Variants in DAPK2 observed in about 807,000 individuals in gnomAD.
The protein encoded by DAPK2 is death-associated protein kinase 2.
DAPK2 carries 35 observed loss-of-function variants against 44.1 expected under a neutral mutation model. The ratio of observed to expected loss-of-function variants is 0.79; its 90% CI spans 0.61 to 1.05. The LOEUF is 1.05. Ranked by LOEUF, DAPK2 falls within the 50% of genes least tolerant of loss-of-function variation. DAPK2 has a pLI of 0.00. For missense variants in DAPK2, 453 were observed against 483.2 expected (o/e 0.94, Z 0.59); for synonymous variants, 174 against 182.6 (o/e 0.95, Z 0.38).
At chr15:63,907,941 T>A (rs1183113657) in exon 11 of DAPK2, 1 of 152,180 alleles carries the variant, frequency 6.6e-6, no homozygotes, top group Non-Finnish European at 1.5e-5. Context: ...ACCAGAAGTT[T>A]AATAAAAATG....
rs965859629 is a variant in DAPK2, at chr15:63,939,663, T to G, written c.454-302A>C. ...GTCTCTGAGTGGCAGATCCCTTTAA[T>G]GCAGTGCCTCTGTTTTCCTATCTGT... is the stretch of plus-strand genomic sequence containing the variant. On this transcript the variant is annotated intron_variant, in intron 3 of 10. Transcript: ENST00000261891. The surrounding 1 kb of genome is among the most constrained non-coding windows in gnomAD (Gnocchi z 4.3). 6.6e-5 allele frequency among the ~76,000 whole-genome samples: 10 copies of G among 152,222 alleles called. No individual in the cohort carries two copies. The highest frequency in any genetic ancestry group is 1.5e-4 in the Non-Finnish European group (10 of 68,032).
chr15:63,990,964 T>G lies in DAPK2; in HGVS notation c.93-7210A>C, dbSNP rs1391553401. ...TCCCTACTCCTCTGCCTGGCCAGGC[T>G]CCACTGTGGAGCCTCTGTGGCTGAC... On this transcript the variant is annotated intron_variant, in intron 1 of 10. Transcript: ENST00000261891. The surrounding 1 kb of genome is among the most constrained non-coding windows in gnomAD (Gnocchi z 4.3). Among the ~76,000 whole-genome samples, 2 of 152,012 alleles carry G rather than the reference T, an allele frequency of 1.3e-5. No individual in the cohort carries two copies. The highest frequency in any genetic ancestry group is 2.9e-5 in the Non-Finnish European group (2 of 67,992).
chr15:63,923,231 T>C lies in DAPK2; in HGVS notation c.858+1585A>G, dbSNP rs1264298951. ...AAAACGCTCGAAGTTGACATAGGAG[T>C]TGTTGGGAGGCATGCTTGAGTGGCA... On this transcript the variant is annotated intron_variant, in intron 8 of 10. Coordinates refer to ENST00000261891, the Ensembl canonical transcript of DAPK2. The surrounding 1 kb of genome is among the most constrained non-coding windows in gnomAD (Gnocchi z 4.2). The C allele has an allele frequency of 2.0e-6, 3 of 1,535,208 alleles. No individual in the cohort carries two copies. The highest frequency in any genetic ancestry group is 1.2e-5 in the South Asian group (1 of 84,022).
chr15:63,955,761 C>T (rs1399450051), intron 3 of DAPK2, among the ~76,000 whole-genome samples: 3 of 152,030 alleles, frequency 2.0e-5, no homozygotes, highest in Admixed American at 2.0e-4. Context: ...AGAGACAGGG[C>T]TTCTCCATGT....
At chr15:64,027,017 G>A (rs2141117556) in intron 1 of DAPK2, among the ~76,000 whole-genome samples, 1 of 152,300 alleles carries the variant, frequency 6.6e-6, no homozygotes, top group Admixed American at 6.5e-5. Flanking sequence ...ACCAAGGCAG[G>A]CAGATCACTT....
At chr15:63,968,924 G>C (rs918581410) in intron 3 of DAPK2, among the ~76,000 whole-genome samples, 2 of 152,194 alleles carry the variant, frequency 1.3e-5, no homozygotes, top group African/African-American at 4.8e-5. Context: ...CCTGGAGCCA[G>C]CAAAGACACA....
At chr15:64,025,776 TATA>T (rs1454977731) in intron 1 of DAPK2, among the ~76,000 whole-genome samples, 1 of 152,222 alleles carries the variant, frequency 6.6e-6, no homozygotes, top group Non-Finnish European at 1.5e-5. Context: ...AAATTCAAAA[TATA>T]ATAATAATTG....
intron 1 of DAPK2, among the ~76,000 whole-genome samples, chr15:64,005,304 C>A (rs1208814221): frequency 2.0e-5 from 3 of 151,594 alleles, no homozygotes; most frequent in African/African-American, 7.3e-5. Flanking sequence ...ATTTCAAACC[C>A]TTTGATTCAC....
chr15:63,997,668 G>A (rs2078985723), intron 1 of DAPK2, among the ~76,000 whole-genome samples: 1 of 152,058 alleles, frequency 6.6e-6, no homozygotes, highest in South Asian at 2.1e-4. Flanking sequence ...CCTCTAAAAT[G>A]GTCTCTTTCC....
At chr15:63,999,369 C>T (rs900772779) in intron 1 of DAPK2, among the ~76,000 whole-genome samples, 2 of 152,164 alleles carry the variant, frequency 1.3e-5, no homozygotes, top group African/African-American at 2.4e-5. Context: ...AGCTGCTTCT[C>T]GTGGAACTGC....
chr15:63,971,287 C>T, intron 3 of DAPK2, 136 bp downstream of exon 4: 1 of 1,113,102 alleles, frequency 9.0e-7, no homozygotes, highest in South Asian at 1.6e-5. Context: ...TCATCTTTCC[C>T]ATGAGCTCAG....
At chr15:64,036,127 A>G (rs369806518) in intron 1 of DAPK2, among the ~76,000 whole-genome samples, 1 of 151,134 alleles carries the variant, frequency 6.6e-6, no homozygotes, top group East Asian at 2.0e-4. Context: ...CAGACATGGT[A>G]GCACGCACCT....
At chr15:63,957,453 C>T (rs1033229648) in intron 3 of DAPK2, among the ~76,000 whole-genome samples, 10 of 151,844 alleles carry the variant, frequency 6.6e-5, no homozygotes, top group Non-Finnish European at 1.3e-4. Context: ...GTATGCTGCA[C>T]CCGTTAACTC....
At chr15:64,002,158 G>A (rs572176182) in intron 1 of DAPK2, among the ~76,000 whole-genome samples, 3 of 152,194 alleles carry the variant, frequency 2.0e-5, no homozygotes, top group African/African-American at 7.2e-5. Context: ...GCCCTGGGGA[G>A]AGTGGCACAG....
At chr15:64,040,189 T>C in exon 1 of DAPK2, 2 of 1,613,842 alleles carry the variant, frequency 1.2e-6, no homozygotes, top group Non-Finnish European at 1.7e-6. Flanking sequence ...TCCTCTCCGA[T>C]GTCATAAAAG....
chr15:63,973,946 C>CT (rs1175891682), intron 2 of DAPK2, among the ~76,000 whole-genome samples: 2 of 152,176 alleles, frequency 1.3e-5, no homozygotes, highest in Non-Finnish European at 2.9e-5. Flanking sequence ...CCAAAGCCCC[C>CT]TTTCTTCAAT....
At chr15:64,004,287 G>A (rs1310245978) in intron 1 of DAPK2, among the ~76,000 whole-genome samples, 1 of 152,092 alleles carries the variant, frequency 6.6e-6, no homozygotes, top group East Asian at 1.9e-4. Context: ...TGGATCTAGA[G>A]GCTTGATCAG....
chr15:63,943,701 C>A (rs1268286627), intron 3 of DAPK2, among the ~76,000 whole-genome samples: 1 of 122,534 alleles, frequency 8.2e-6, no homozygotes, highest in Non-Finnish European at 1.7e-5. Flanking sequence ...GGTGAAACCC[C>A]GACTCTACTA....
intron 2 of DAPK2, among the ~76,000 whole-genome samples, chr15:63,979,596 A>G (rs937521598): frequency 2.0e-5 from 3 of 152,198 alleles, no homozygotes; most frequent in Non-Finnish European, 4.4e-5. Context: ...CCAGCCTAAC[A>G]GGAGTCACTA....
Sources: allele counts gnomAD v4.1 joint callset (sites outside exome capture counted in the v4.1 genomes callset), GRCh38; gene constraint gnomAD v4.1.1; non-coding constraint Gnocchi (gnomAD v3.1); transcripts MANE v1.5; gene names NCBI Gene and HGNC (gene_info 2026-07-23, HGNC 2026-07-21).